RSBN1L: variants seen among roughly 807,000 people sequenced by gnomAD.
RSBN1L encodes the protein round spermatid basic protein 1 like, also known as lysine-specific demethylase RSBN1L.
RSBN1L carries 30 observed loss-of-function variants against 67.7 expected under a neutral mutation model. The observed-to-expected ratio is 0.44, with a 90% CI of 0.33 to 0.60. RSBN1L has a LOEUF of 0.60. Among genes scored for constraint, RSBN1L ranks in the 20% least tolerant of loss-of-function variants. The pLI, the probability that RSBN1L is intolerant of heterozygous loss-of-function variation, is 0.02. For missense variants in RSBN1L, 992 were observed against 1,031.7 expected (o/e 0.96, Z 0.53); for synonymous variants, 433 against 387.0 (o/e 1.12, Z -1.39).
At chr7:77,709,280 T>G (rs992973982) in intron 1 of RSBN1L, among the ~76,000 whole-genome samples, 1 of 151,850 alleles carries the variant, frequency 6.6e-6, no homozygotes, top group African/African-American at 2.4e-5. Context: ...CAGATAGCAG[T>G]AGTTATTTTT....
At chr7:77,744,668 T>G (rs1791458608) in intron 2 of RSBN1L, among the ~76,000 whole-genome samples, 1 of 151,922 alleles carries the variant, frequency 6.6e-6, no homozygotes, top group Admixed American at 6.6e-5. Context: ...TTCACCTGCC[T>G]CGGCCTCCCA....
intron 1 of RSBN1L, among the ~76,000 whole-genome samples, chr7:77,708,736 A>C (rs1790928721): frequency 1.3e-5 from 2 of 152,150 alleles, no homozygotes; most frequent in African/African-American, 4.8e-5. Context: ...GGAGGGTGAT[A>C]ATATATTCAA....
In RSBN1L at chr7:77,738,089, AT is replaced by A. The variant is rs200854093; in HGVS notation, c.703+1572del. Among the ~76,000 whole-genome samples the A allele has an allele frequency of 1.9e-3, 284 of 150,628 alleles. 1 individual carries two copies. Among genetic ancestry groups the A allele is most frequent in the Middle Eastern group, 7.0e-3 (2 of 284 alleles). On this transcript the variant is annotated intron_variant, in intron 2 of 7. Transcript: ENST00000334955. ...TTACCCTTGGTTTAGCCCAATAGCC[AT>A]TTTTTTTTCTGATTTAATCAAATAG...
At chr7:77,698,070 A>G (rs1584269766) in intron 1 of RSBN1L, among the ~76,000 whole-genome samples, 1 of 152,264 alleles carries the variant, frequency 6.6e-6, no homozygotes, top group East Asian at 1.9e-4. Context: ...AAGCAGTTTC[A>G]GCATTGCTGA....
At chr7:77,750,770 T>C (rs1435844306) in intron 3 of RSBN1L, among the ~76,000 whole-genome samples, 1 of 152,178 alleles carries the variant, frequency 6.6e-6, no homozygotes, top group African/African-American at 2.4e-5. Flanking sequence ...TTTGGTTTTC[T>C]AGGAACGGTT....
chr7:77,708,210 AG>A (rs1402157112), intron 1 of RSBN1L, among the ~76,000 whole-genome samples: 2 of 151,928 alleles, frequency 1.3e-5, no homozygotes, highest in Non-Finnish European at 2.9e-5. Context: ...TGTTTGGGGT[AG>A]GGGGTGGGAT....
chr7:77,782,013 A>C lies in RSBN1L; in HGVS notation c.*2845A>C, dbSNP rs1001186930. On this transcript the variant is annotated 3_prime_UTR_variant, in exon 8 of 8. Transcript: ENST00000334955. ...AAAAAGCATACATCTCTGAAGGTAA[A>C]GTATAAATCAGTGGGCTCAAGATTT... The C allele has an allele frequency of 2.6e-5, 4 of 151,240 alleles. No individual in the cohort carries two copies. The highest frequency in any genetic ancestry group is 4.4e-5 in the Non-Finnish European group (3 of 67,860). 9.4% of individuals were successfully genotyped at this position (151,240 alleles called of 1,614,324 possible). A position where few individuals can be genotyped will look rare whatever the true frequency, so the allele number is the denominator to read the frequency against.
At chr7:77,729,750 T>G (rs912280742) in intron 1 of RSBN1L, among the ~76,000 whole-genome samples, 1 of 152,086 alleles carries the variant, frequency 6.6e-6, no homozygotes, top group Non-Finnish European at 1.5e-5. Context: ...GCACAGGAGT[T>G]TGAGACTAGC....
rs199917309 is a variant in RSBN1L, at chr7:77,723,384, G to A, written c.587-13026G>A. Among the ~76,000 whole-genome samples, 186 of 152,164 alleles carry A rather than the reference G, an allele frequency of 1.2e-3. 2 individuals are homozygous for A. In the East Asian group the frequency reaches 0.029, roughly 23 times the overall value. ...AAATCTGTGGTTGAGTAAAAGTATA[G>A]CTTCTTTTTCTTAAAAACTGTTAAG... is the stretch of plus-strand genomic sequence containing the variant. On this transcript the variant is annotated intron_variant, in intron 1 of 7. Transcript: ENST00000334955.
At chr7:77,744,545 C>T (rs1356318849) in intron 2 of RSBN1L, among the ~76,000 whole-genome samples, 14 of 151,462 alleles carry the variant, frequency 9.2e-5, no homozygotes, top group Non-Finnish European at 2.1e-4. Flanking sequence ...GGTGCAATTT[C>T]GGCTGGGATT....
At chr7:77,737,470 C>T (rs968923355) in intron 2 of RSBN1L, among the ~76,000 whole-genome samples, 2 of 152,138 alleles carry the variant, frequency 1.3e-5, no homozygotes, top group African/African-American at 4.8e-5. Flanking sequence ...TCATTGCATT[C>T]TTTGTCATGT....
intron 4 of RSBN1L, 104 bp downstream of exon 4, chr7:77,765,736 A>AAT: frequency 1.3e-6 from 1 of 784,508 alleles, no homozygotes; most frequent in Non-Finnish European, 2.0e-6. Flanking sequence ...TGCTACATGC[A>AAT]ATATAAATGA....
intron 3 of RSBN1L, among the ~76,000 whole-genome samples, chr7:77,756,734 C>T (rs1255480310): frequency 6.6e-6 from 1 of 152,116 alleles, no homozygotes; most frequent in Non-Finnish European, 1.5e-5. Flanking sequence ...GCCGAGATTG[C>T]GCCACTGTAC....
At chr7:77,758,319 G>A (rs886738119) in intron 3 of RSBN1L, among the ~76,000 whole-genome samples, 15 of 152,156 alleles carry the variant, frequency 9.9e-5, no homozygotes, top group African/African-American at 3.4e-4. Flanking sequence ...GCCTCCCAAA[G>A]TGCTCGGCCT....
chr7:77,715,496 T>TG (rs1293086847), intron 1 of RSBN1L, among the ~76,000 whole-genome samples: 2 of 152,004 alleles, frequency 1.3e-5, no homozygotes, highest in South Asian at 2.1e-4. Flanking sequence ...TTAGTCAAGA[T>TG]GGGGGGCTCA....
intron 1 of RSBN1L, among the ~76,000 whole-genome samples, chr7:77,735,053 TG>T (rs1267544188): frequency 6.7e-6 from 1 of 149,968 alleles, no homozygotes; most frequent in African/African-American, 2.5e-5. Context: ...TGTTATCACT[TG>T]AAAAAAAAAA....
chr7:77,702,586 C>G (rs1288536009), intron 1 of RSBN1L, among the ~76,000 whole-genome samples: 1 of 152,102 alleles, frequency 6.6e-6, no homozygotes, highest in African/African-American at 2.4e-5. Context: ...CTTTCAGTTT[C>G]TTCAGATAGA....
chr7:77,700,573 TCTAA>T (rs1790802896), intron 1 of RSBN1L, among the ~76,000 whole-genome samples: 1 of 152,200 alleles, frequency 6.6e-6, no homozygotes, highest in African/African-American at 2.4e-5. Context: ...TGAAGATTTT[TCTAA>T]CTACACTCTC....
chr7:77,737,680 G>A (rs1412150082), intron 2 of RSBN1L, among the ~76,000 whole-genome samples: 1 of 152,120 alleles, frequency 6.6e-6, no homozygotes, highest in Non-Finnish European at 1.5e-5. Context: ...GGCAGGAATT[G>A]AATATAACCA....
Sources: allele counts gnomAD v4.1 joint callset (sites outside exome capture counted in the v4.1 genomes callset), GRCh38; gene constraint gnomAD v4.1.1; transcripts MANE v1.5; gene names NCBI Gene and HGNC (gene_info 2026-07-23, HGNC 2026-07-21).